The following AP2B1 variants were observed in gnomAD, a reference collection of about 807,000 sequenced individuals.
AP2B1 encodes the protein adaptor related protein complex 2 subunit beta 1.
In AP2B1, 23 loss-of-function variants were observed where a neutral mutation model predicts 102.0. That is an observed-to-expected ratio of 0.23 (90% CI 0.16 to 0.32). The LOEUF is 0.32. Among genes scored for constraint, AP2B1 ranks in the 10% least tolerant of loss-of-function variants. AP2B1 has a pLI of 1.00. For missense variants in AP2B1, 541 were observed against 1,157.4 expected (o/e 0.47, Z 7.73); for synonymous variants, 381 against 421.2 (o/e 0.90, Z 1.17).
chr17:35,664,076 AG>A (rs1387393040), intron 14 of AP2B1, among the ~76,000 whole-genome samples: 1 of 151,990 alleles, frequency 6.6e-6, no homozygotes, highest in African/African-American at 2.4e-5. Context: ...TTTTCATTTA[AG>A]TAAAACCACA....
chr17:35,666,793 A>G (rs192963513), intron 14 of AP2B1, among the ~76,000 whole-genome samples: 1 of 152,232 alleles, frequency 6.6e-6, no homozygotes, highest in Admixed American at 6.5e-5. Flanking sequence ...TTTGTACCCT[A>G]CCTGATAAGT....
At chr17:35,718,322 G>A (rs2085243564) in intron 21 of AP2B1, among the ~76,000 whole-genome samples, 1 of 102,488 alleles carries the variant, frequency 9.8e-6, no homozygotes, top group Non-Finnish European at 2.2e-5. Flanking sequence ...CTGTGTGTGT[G>A]TGTGTGTGTG....
At chr17:35,713,070 A>C (rs1379529547) in intron 20 of AP2B1, among the ~76,000 whole-genome samples, 1 of 152,168 alleles carries the variant, frequency 6.6e-6, no homozygotes, top group Non-Finnish European at 1.5e-5. Context: ...TTTAGACTGG[A>C]GTTTTGAACT....
chr17:35,661,560 G>A (rs1047139307), intron 14 of AP2B1, among the ~76,000 whole-genome samples: 1 of 152,164 alleles, frequency 6.6e-6, no homozygotes, highest in Non-Finnish European at 1.5e-5. Flanking sequence ...ATTCTGTGAG[G>A]TTATCCATCG....
chr17:35,683,349 G>A (rs1213954187), intron 18 of AP2B1, among the ~76,000 whole-genome samples: 1 of 152,182 alleles, frequency 6.6e-6, no homozygotes, highest in Non-Finnish European at 1.5e-5. Context: ...CAAACACTTA[G>A]AAACTTTTTT....
rs765112118 is a variant in AP2B1 at position 35,608,117 on chromosome 17, AGTTGTTGGT to A, written c.280-23_280-15del. 1 of 1,611,714 alleles carries A rather than the reference AGTTGTTGGT, an allele frequency of 6.2e-7. No homozygotes were observed. The highest frequency in any genetic ancestry group is 1.1e-5 in the South Asian group (1 of 90,972). On this transcript the variant is annotated splice_polypyrimidine_tract_variant and intron_variant, in intron 4 of 21. Coordinates refer to ENST00000610402, the MANE Select transcript of AP2B1 (RefSeq NM_001030006.2). ...ACTTTTAGCCACCATGTATACCTAC[AGTTGTTGGT>A]GATTGTTTTCTGCAGGACTGTGAAG... is the stretch of plus-strand genomic sequence containing the variant.
At chr17:35,617,790 T>A (rs775199356) in intron 5 of AP2B1, among the ~76,000 whole-genome samples, 3 of 152,184 alleles carry the variant, frequency 2.0e-5, no homozygotes, top group Non-Finnish European at 2.9e-5. Flanking sequence ...TGATAATAAG[T>A]GTTTTATTTT....
chr17:35,605,901 C>A, intron 4 of AP2B1, 61 bp downstream of exon 4: 1 of 1,577,276 alleles, frequency 6.3e-7, no homozygotes. Context: ...CCTCTGTTCA[C>A]AAGGAAGGAG....
At chr17:35,628,078 T>C (rs1261595846) in intron 9 of AP2B1, among the ~76,000 whole-genome samples, 1 of 152,244 alleles carries the variant, frequency 6.6e-6, no homozygotes, top group East Asian at 1.9e-4. Flanking sequence ...CAGACCTTTT[T>C]TTGTCTATAT....
chr17:35,690,259 T>C (rs1202793458), intron 18 of AP2B1, among the ~76,000 whole-genome samples: 1 of 152,226 alleles, frequency 6.6e-6, no homozygotes, highest in African/African-American at 2.4e-5. Context: ...ATTTCAGATA[T>C]TGTACTTTTT....
intron 18 of AP2B1, among the ~76,000 whole-genome samples, chr17:35,702,415 G>T (rs929417445): frequency 6.6e-6 from 1 of 152,196 alleles, no homozygotes; most frequent in African/African-American, 2.4e-5. Context: ...TGAAGTAGGA[G>T]TGTACCTGCT....
At chr17:35,596,818 G>A (rs952315461) in intron 2 of AP2B1, 1 of 649,684 alleles carries the variant, frequency 1.5e-6, no homozygotes. Context: ...AGCGCTGCCA[G>A]GCCCCGCAGG....
chr17:35,704,749 T>C (rs1479192670), intron 18 of AP2B1, among the ~76,000 whole-genome samples: 2 of 152,122 alleles, frequency 1.3e-5, no homozygotes, highest in East Asian at 3.8e-4. Context: ...GAACAACATA[T>C]AGGCTGGGTG....
chr17:35,629,458 T>C (rs1239424945), intron 9 of AP2B1, among the ~76,000 whole-genome samples: 2 of 152,178 alleles, frequency 1.3e-5, no homozygotes, highest in Non-Finnish European at 2.9e-5. Context: ...CCTCCCTATT[T>C]CTTGTTATTG....
rs782263404 is a variant in AP2B1, at chr17:35,709,266, C to G, written c.2497C>G (p.Leu833Val). 11 of 1,614,008 alleles carry G rather than the reference C, an allele frequency of 6.8e-6. No individual in the cohort carries two copies. The South Asian group carries it at 1.2e-4, about 18-fold the overall frequency. ...TATCGATGTCTTCTACTTCAGCTGC[C>G]TCATCCCACTCAATGTGCTTTTTGT... is the stretch of plus-strand genomic sequence containing the variant. Reference protein sequence around the residue: ...NNIDVFYFSCLIPLNVLFVED... With the variant: ...NNIDVFYFSCVIPLNVLFVED... Residue 833 changes from leucine to valine, a missense_variant, in exon 19 of 22, where the codon CTC becomes GTC. Transcript: ENST00000610402.
intron 4 of AP2B1, among the ~76,000 whole-genome samples, chr17:35,606,921 T>G (rs1452636067): frequency 6.6e-6 from 1 of 151,910 alleles, no homozygotes. Context: ...TTTTTTTTTT[T>G]GGTGACAGAA....
intron 21 of AP2B1, among the ~76,000 whole-genome samples, chr17:35,718,578 T>C (rs190626638): frequency 1.5e-4 from 23 of 152,166 alleles, no homozygotes; most frequent in Admixed American, 1.5e-3. Flanking sequence ...AAAACCAAGA[T>C]AGCACATGCC....
chr17:35,600,285 G>A (rs1038191634), intron 3 of AP2B1, among the ~76,000 whole-genome samples: 9 of 152,016 alleles, frequency 5.9e-5, no homozygotes, highest in African/African-American at 1.9e-4. Flanking sequence ...GTTTCACCAT[G>A]TTGGCCAGGC....
chr17:35,625,761 TG>T (rs2074297583), intron 6 of AP2B1, among the ~76,000 whole-genome samples: 1 of 152,028 alleles, frequency 6.6e-6, no homozygotes, highest in Admixed American at 6.6e-5. Flanking sequence ...GCTGGGCATT[TG>T]GGGGTGAGGG....
Sources: gnomAD v4.1 joint callset for allele counts (sites outside exome capture counted in the v4.1 genomes callset) on GRCh38, gnomAD v4.1.1 for gene constraint, MANE v1.5 for transcripts, NCBI Gene and HGNC (gene_info 2026-07-23, HGNC 2026-07-21) for gene names.